The following LRCH1 variants were observed in gnomAD, a reference collection of about 807,000 sequenced individuals.
LRCH1 encodes leucine-rich repeat and calponin homology domain-containing protein 1.
In LRCH1, 23 loss-of-function variants were observed where a neutral mutation model predicts 94.9. The ratio of observed to expected loss-of-function variants is 0.24; its 90% CI spans 0.17 to 0.34. LRCH1 has a LOEUF of 0.34. Among genes scored for constraint, LRCH1 ranks in the 10% least tolerant of loss-of-function variants. The probability of loss-of-function intolerance (pLI) is 1.00; values close to 1 mark genes in which losing one functional copy is unlikely to be tolerated. For missense variants in LRCH1, 790 were observed against 945.9 expected (o/e 0.84, Z 2.16); for synonymous variants, 364 against 354.9 (o/e 1.03, Z -0.29).
At chr13:46,665,234 C>A (rs2051499675) in intron 2 of LRCH1, among the ~76,000 whole-genome samples, 1 of 152,016 alleles carries the variant, frequency 6.6e-6, no homozygotes, top group African/African-American at 2.4e-5. Flanking sequence ...AGGAAAATAA[C>A]CTTTTGATAA....
At position 46,695,107 on chromosome 13, in the gene LRCH1, C is replaced by T. The variant is rs1871112970; in HGVS notation, c.1245+90C>T. ...AAGTTGAAGGTTGCCAATCCATCCC[C>T]TTCAATGTCCAGCTTGCTGCACCCT... On this transcript the variant is annotated intron_variant, in intron 9 of 19. Transcript: ENST00000389797. The T allele has an allele frequency of 5.4e-6, 8 of 1,482,052 alleles. No homozygotes were observed. The East Asian group carries it at 1.8e-4, about 34-fold the overall frequency. 91.8% of individuals were successfully genotyped at this position (1,482,052 alleles called of 1,614,324 possible).
Position 46,750,548 on chromosome 13 carries a change from A to G in LRCH1, c.1989A>G (p.Leu663=), listed in dbSNP as rs376672077. The G allele has an allele frequency of 7.4e-5, 114 of 1,549,488 alleles. 2 individuals are homozygous for G. In the South Asian group the frequency reaches 1.3e-3, roughly 17 times the overall value. ...ATTCTTTTTCCTTTTAGGAAAAGCT[A>G]TGTCTCCCCCACCACATCCTTGAAG... Residue 663 remains leucine (L), a synonymous_variant, in exon 19 of 19, where the codon CTA becomes CTG. Transcript: ENST00000311191.
intron 2 of LRCH1, among the ~76,000 whole-genome samples, chr13:46,659,506 T>C (rs1306608819): frequency 1.3e-5 from 2 of 152,114 alleles, no homozygotes; most frequent in Non-Finnish European, 2.9e-5. Context: ...ATACTTCAGA[T>C]TTATATCACC....
intron 17 of LRCH1, among the ~76,000 whole-genome samples, chr13:46,724,198 G>A (rs1195940779): frequency 2.6e-5 from 4 of 152,018 alleles, no homozygotes; most frequent in Non-Finnish European, 5.9e-5. Context: ...TTACAGGTAT[G>A]AGCCACCGCA....
chr13:46,644,229 G>C (rs1036881978), intron 1 of LRCH1, among the ~76,000 whole-genome samples: 2 of 152,172 alleles, frequency 1.3e-5, no homozygotes, highest in Non-Finnish European at 2.9e-5. Flanking sequence ...CCAGTGTCAG[G>C]CATGCTTGAA....
At position 46,699,421 on chromosome 13, in the gene LRCH1, G is replaced by T. The variant is rs748899623; in HGVS notation, c.1313+18G>T. The T allele has an allele frequency of 8.1e-6, 13 of 1,611,534 alleles. No individual in the cohort carries two copies. The East Asian group carries it at 8.9e-5, about 11-fold the overall frequency. ...GAGGGCATGTGAGTGCCGAGGCCTT[G>T]GTTACAAGCCATCATCACTCAAATC... is the stretch of plus-strand genomic sequence containing the variant. On this transcript the variant is annotated intron_variant, in intron 10 of 19. Coordinates refer to ENST00000389797, the MANE Select transcript of LRCH1 (RefSeq NM_001164211.2).
intron 2 of LRCH1, among the ~76,000 whole-genome samples, chr13:46,651,919 G>T (rs1411015091): frequency 4.5e-5 from 6 of 134,576 alleles, no homozygotes; most frequent in Non-Finnish European, 9.5e-5. Context: ...ACGGAGTCTT[G>T]CTCTGTCGCC....
intron 11 of LRCH1, among the ~76,000 whole-genome samples, 199 bp downstream of exon 11, chr13:46,701,406 A>G (rs2138180907): frequency 6.6e-6 from 1 of 152,324 alleles, no homozygotes; most frequent in Middle Eastern, 3.4e-3. Context: ...AGTGAGATCA[A>G]TTTCCCCTTT....
At chr13:46,641,285 G>A (rs188339797) in intron 1 of LRCH1, among the ~76,000 whole-genome samples, 127 of 152,266 alleles carry the variant, frequency 8.3e-4, no homozygotes, top group African/African-American at 3.0e-3. Flanking sequence ...TGTCCAAAGA[G>A]GGCACATGAC....
chr13:46,751,285 G>C (rs1874124897), exon 19 of LRCH1: 1 of 151,866 alleles, frequency 6.6e-6, no homozygotes, highest in Non-Finnish European at 1.5e-5. Flanking sequence ...CGGTAGTTTA[G>C]GTCTCAGTAA....
intron 1 of LRCH1, among the ~76,000 whole-genome samples, chr13:46,602,171 T>TA (rs145804891): frequency 0.02 from 3,052 of 152,362 alleles, 83 homozygotes; most frequent in African/African-American, 0.059. Flanking sequence ...TCAAGTAGAT[T>TA]AATGCAACTA....
chr13:46,558,572 C>CAAAAAAAAAAAAAAAAAAAAAAAAAA lies in LRCH1; in HGVS notation c.307+4870_307+4895dup, dbSNP rs575874794. Among the ~76,000 whole-genome samples the CAAAAAAAAAAAAAAAAAAAAAAAAAA allele has an allele frequency of 9.9e-4, 34 of 34,396 alleles. 4 individuals are homozygous for CAAAAAAAAAAAAAAAAAAAAAAAAAA. Among genetic ancestry groups the CAAAAAAAAAAAAAAAAAAAAAAAAAA allele is most frequent in the Non-Finnish European group, 1.9e-3 (32 of 17,006 alleles). 22.6% of individuals were successfully genotyped at this position (34,396 alleles called of 152,430 possible). On this transcript the variant is annotated intron_variant, in intron 1 of 19. Coordinates refer to ENST00000389797, the MANE Select transcript of LRCH1 (RefSeq NM_001164211.2). ...CCAAGACGGTGAAACCCTGTGTCTA[C>CAAAAAAAAAAAAAAAAAAAAAAAAAA]AAAAAAAAAAAAAAAAAAAAAAAAA...
rs766701128 is a variant in LRCH1, at chr13:46,687,844, C to T, written c.823-8C>T. The T allele has an allele frequency of 4.4e-6, 7 of 1,607,434 alleles. No individual in the cohort carries two copies. The South Asian group carries it at 6.7e-5, about 15-fold the overall frequency. ...AAATGAATATGATTGCTATTAATTT[C>T]TTTGTAGATTTGCACAAAGGGCAAA... is the stretch of plus-strand genomic sequence containing the variant. On this transcript the variant is annotated splice_polypyrimidine_tract_variant and splice_region_variant and intron_variant, in intron 5 of 19. Coordinates refer to ENST00000389797, the MANE Select transcript of LRCH1 (RefSeq NM_001164211.2).
chr13:46,615,632 G>A (rs1329602865), intron 1 of LRCH1, among the ~76,000 whole-genome samples: 5 of 152,116 alleles, frequency 3.3e-5, no homozygotes, highest in African/African-American at 9.7e-5. Flanking sequence ...TATTCATGAT[G>A]GATCTGCATT....
At chr13:46,601,099 C>T (rs73485940) in intron 1 of LRCH1, among the ~76,000 whole-genome samples, 4,145 of 152,308 alleles carry the variant, frequency 0.027, 176 homozygotes, top group African/African-American at 0.094. Context: ...GGCTCAGGCC[C>T]ATTGGTCTCC....
At chr13:46,677,444 C>T (rs2051693191) in intron 3 of LRCH1, among the ~76,000 whole-genome samples, 1 of 151,518 alleles carries the variant, frequency 6.6e-6, no homozygotes. Context: ...CAAAACAAAA[C>T]AAAAAAAACT....
chr13:46,672,217 G>A (rs909241078), intron 3 of LRCH1, among the ~76,000 whole-genome samples: 1 of 151,784 alleles, frequency 6.6e-6, no homozygotes, highest in Non-Finnish European at 1.5e-5. Context: ...ATGGCTTGAC[G>A]GCTCATTTTT....
intron 1 of LRCH1, among the ~76,000 whole-genome samples, chr13:46,587,133 G>A (rs1451605256): frequency 2.0e-5 from 3 of 152,216 alleles, no homozygotes; most frequent in Non-Finnish European, 4.4e-5. Context: ...AGTTGTAAAT[G>A]ATGTAAAAAT....
rs1401810186 is a variant in LRCH1 at position 46,744,605 on chromosome 13, C to G, written c.*2757C>G. On this transcript the variant is annotated 3_prime_UTR_variant, in exon 20 of 20. Transcript: ENST00000389797. Reference sequence around the variant, plus strand: ...CAATGAGAGTAGATAAATAAAGGCACTTGATAGCCTGCTGCTATTTGTTTG... The same window carrying G: ...CAATGAGAGTAGATAAATAAAGGCAGTTGATAGCCTGCTGCTATTTGTTTG... 1 of 985,260 alleles carries G rather than the reference C, an allele frequency of 1.0e-6. No individual in the cohort carries two copies. 61.0% of individuals were successfully genotyped at this position (985,260 alleles called of 1,614,324 possible).
Sources: gnomAD v4.1 joint callset for allele counts (sites outside exome capture counted in the v4.1 genomes callset) on GRCh38, gnomAD v4.1.1 for gene constraint, MANE v1.5 for transcripts, NCBI Gene and HGNC (gene_info 2026-07-23, HGNC 2026-07-21) for gene names.